The following MTF2 variants were observed in gnomAD, a reference collection of about 807,000 sequenced individuals.
MTF2 encodes the protein metal-response element-binding transcription factor 2.
In MTF2, 11 loss-of-function variants were observed where a neutral mutation model predicts 79.5. That is an observed-to-expected ratio of 0.14 (90% confidence interval 0.09 to 0.23). MTF2 has a LOEUF of 0.23. Ranked by LOEUF, MTF2 falls within the 10% of genes least tolerant of loss-of-function variation. The pLI is 1.00. For missense variants in MTF2, 486 were observed against 711.2 expected (o/e 0.68, Z 3.60); for synonymous variants, 208 against 232.8 (o/e 0.89, Z 0.97).
chr1:93,121,727 A>C, intron 9 of MTF2: 1 of 938,632 alleles, frequency 1.1e-6, no homozygotes, highest in Non-Finnish European at 1.3e-6. Flanking sequence ...ATTTTTGTTA[A>C]GTTTTCTGTT....
chr1:93,103,399 G>A (rs61433067), intron 1 of MTF2, among the ~76,000 whole-genome samples: 13,184 of 151,528 alleles, frequency 0.087, 653 homozygotes, highest in African/African-American at 0.12. Flanking sequence ...AGCAGCTGAT[G>A]AAAAGATTAT....
At chr1:93,087,631 G>A (rs1262274070) in intron 1 of MTF2, among the ~76,000 whole-genome samples, 1 of 151,204 alleles carries the variant, frequency 6.6e-6, no homozygotes, top group Non-Finnish European at 1.5e-5. Context: ...GGATACTGTC[G>A]ATACTGGCAG....
rs184945312 is a variant in MTF2 at position 93,084,689 on chromosome 1, A to G, written c.5+5158A>G. 9.9e-5 allele frequency among the ~76,000 whole-genome samples: 15 copies of G among 152,170 alleles called. No individual in the cohort carries two copies. The East Asian group carries it at 1.5e-3, about 16-fold the overall frequency. On this transcript the variant is annotated intron_variant, in intron 1 of 14. Coordinates refer to ENST00000370298, the MANE Select transcript of MTF2 (RefSeq NM_007358.4). The stretch of plus-strand genomic sequence containing the variant: ...GATATTATGTAGTTTTCATTGTACA[A>G]TTCTCGAACTTCTTCTGTTAAATTT...
chr1:93,079,311 G>T lies in MTF2; in HGVS notation c.-216G>T, dbSNP rs1012158061. 1.1e-4 allele frequency: 65 copies of T among 565,456 alleles called. No homozygotes were observed. Among genetic ancestry groups the T allele is most frequent in the Non-Finnish European group, 1.8e-4 (57 of 316,590 alleles). 35.0% of individuals were successfully genotyped at this position (565,456 alleles called of 1,614,324 possible). A position where few individuals can be genotyped will look rare whatever the true frequency, so the allele number is the denominator to read the frequency against. On this transcript the variant is annotated 5_prime_UTR_variant, in exon 1 of 15. Transcript: ENST00000370298. ...CCGCGGGAAACCAAAATGGCGAGGGGCTGTATTGAAGTGGGCTGTGTTTGA... is the reference window on the plus strand; with the variant it reads ...CCGCGGGAAACCAAAATGGCGAGGGTCTGTATTGAAGTGGGCTGTGTTTGA...
At chr1:93,114,918 A>G (rs1049092033) in intron 4 of MTF2, 70 bp from the exon 5 acceptor site, 2 of 1,286,012 alleles carry the variant, frequency 1.6e-6, no homozygotes, top group East Asian at 2.4e-5. Context: ...TAATGCTAAA[A>G]TGCATTCTTG....
chr1:93,115,406 A>ATT, intron 5 of MTF2, 64 bp from the exon 6 acceptor site: 1 of 1,278,372 alleles, frequency 7.8e-7, no homozygotes, highest in Non-Finnish European at 1.1e-6. Context: ...GTCGTTTTTA[A>ATT]AGTATAGAAT....
intron 11 of MTF2, among the ~76,000 whole-genome samples, chr1:93,130,021 TAAAG>T (rs1293648181): frequency 6.6e-6 from 1 of 152,092 alleles, no homozygotes; most frequent in African/African-American, 2.4e-5. Context: ...AATTAAGACT[TAAAG>T]AATGAGAATG....
chr1:93,101,587 T>TTTTTTTG (rs1424486700), intron 1 of MTF2, among the ~76,000 whole-genome samples: 4 of 118,042 alleles, frequency 3.4e-5, no homozygotes, highest in African/African-American at 1.2e-4. Flanking sequence ...TTTTTTTTTT[T>TTTTTTTG]TTTTTTTTTT....
intron 10 of MTF2, among the ~76,000 whole-genome samples, chr1:93,128,126 A>T (rs1349706616): frequency 6.6e-6 from 1 of 152,228 alleles, no homozygotes; most frequent in African/African-American, 2.4e-5. Context: ...AAAAGTCATA[A>T]GGTACCTGAG....
chr1:93,105,587 A>G (rs893389452), intron 1 of MTF2, among the ~76,000 whole-genome samples: 4 of 152,220 alleles, frequency 2.6e-5, no homozygotes, highest in African/African-American at 7.2e-5. Flanking sequence ...AATTACCTCT[A>G]TATATCTACT....
intron 1 of MTF2, among the ~76,000 whole-genome samples, chr1:93,100,654 C>T (rs1424254007): frequency 2.6e-5 from 4 of 152,152 alleles, no homozygotes; most frequent in African/African-American, 9.7e-5. Context: ...CTTTAAGCTG[C>T]TTGCTTTATG....
chr1:93,079,816 G>A (rs1654525710), intron 1 of MTF2, among the ~76,000 whole-genome samples: 1 of 151,746 alleles, frequency 6.6e-6, no homozygotes, highest in Admixed American at 6.6e-5. Flanking sequence ...GCTGTGTTTG[G>A]AGGGCAGGAA....
Position 93,127,319 on chromosome 1 carries a change from G to A in MTF2, c.989+20G>A. 2 of 1,484,114 alleles carry A rather than the reference G, an allele frequency of 1.3e-6. No homozygotes were observed. Among genetic ancestry groups the A allele is most frequent in the Non-Finnish European group, 1.9e-6 (2 of 1,061,930 alleles). The allele number at this position is 1,484,114 out of a possible 1,614,324, so 91.9% of individuals were successfully genotyped here. A position where few individuals can be genotyped will look rare whatever the true frequency, so the allele number is the denominator to read the frequency against. On this transcript the variant is annotated intron_variant, in intron 10 of 14. Transcript: ENST00000370298. ...GACCATGTAAGTTGATTTATTTTAT[G>A]TATCCCTATGAGGGAGACATTTAGT...
intron 1 of MTF2, among the ~76,000 whole-genome samples, chr1:93,090,807 G>A (rs893452435): frequency 3.8e-4 from 58 of 151,928 alleles, no homozygotes; most frequent in African/African-American, 1.4e-3. Context: ...GGGACTATAG[G>A]CACCCGCCAC....
intron 3 of MTF2, among the ~76,000 whole-genome samples, chr1:93,113,793 A>C (rs566552463): frequency 6.6e-6 from 1 of 152,262 alleles, no homozygotes; most frequent in African/African-American, 2.4e-5. Context: ...TTCTCTATAA[A>C]TAGTATATTT....
At chr1:93,116,851 A>G (rs1302831686) in intron 6 of MTF2, among the ~76,000 whole-genome samples, 2 of 152,046 alleles carry the variant, frequency 1.3e-5, no homozygotes, top group African/African-American at 4.8e-5. Context: ...GTCTCAGGGA[A>G]TAGGAAGCTT....
At chr1:93,136,252 C>A (rs1320896718) in intron 14 of MTF2, among the ~76,000 whole-genome samples, 2 of 152,172 alleles carry the variant, frequency 1.3e-5, no homozygotes, top group African/African-American at 4.8e-5. Flanking sequence ...TAGTTCCACT[C>A]TTTAAGGACA....
chr1:93,104,187 G>A (rs1655666081), intron 1 of MTF2, among the ~76,000 whole-genome samples: 1 of 145,868 alleles, frequency 6.9e-6, no homozygotes, highest in African/African-American at 2.6e-5. Flanking sequence ...TGATCCTCCT[G>A]CCTCAGCCTC....
chr1:93,138,647 T>C lies in MTF2; in HGVS notation c.*1620T>C, dbSNP rs1647497999. On this transcript the variant is annotated 3_prime_UTR_variant, in exon 15 of 15. Transcript: ENST00000370298. ...TACAAAAGTGCAAATTAAAAACTGTTACTTCTGTTTACCTCCACCAAAACT... is the reference window on the plus strand; with the variant it reads ...TACAAAAGTGCAAATTAAAAACTGTCACTTCTGTTTACCTCCACCAAAACT... 6.6e-6 allele frequency: 1 copy of C among 152,224 alleles called. No homozygotes were observed. The highest frequency in any genetic ancestry group is 2.4e-5 in the African/African-American group (1 of 41,460). 9.4% of individuals were successfully genotyped at this position (152,224 alleles called of 1,614,324 possible).
Sources: allele counts gnomAD v4.1 joint callset (sites outside exome capture counted in the v4.1 genomes callset), GRCh38; gene constraint gnomAD v4.1.1; transcripts MANE v1.5; gene names NCBI Gene and HGNC (gene_info 2026-07-23, HGNC 2026-07-21).